Variants in CHRNA10 observed in about 807,000 individuals in gnomAD.
The protein encoded by CHRNA10 is cholinergic receptor nicotinic alpha 10 subunit.
A neutral mutation model predicts 36.0 loss-of-function variants in CHRNA10; 31 were observed. The observed-to-expected ratio is 0.86, with a 90% confidence interval of 0.65 to 1.16. The LOEUF (loss-of-function observed/expected upper bound fraction) is 1.16, where lower values mean the gene tolerates loss of function less well. Ranked by LOEUF, CHRNA10 falls within the 50% of genes most tolerant of loss-of-function variation. CHRNA10 has a pLI of 0.00. For missense variants in CHRNA10, 648 were observed against 640.9 expected (o/e 1.01, Z -0.12); for synonymous variants, 302 against 287.0 (o/e 1.05, Z -0.53).
chr11:3,669,136 C>G lies in CHRNA10; in HGVS notation c.362+60G>C, dbSNP rs1403930935. The G allele has an allele frequency of 1.9e-6, 3 of 1,554,006 alleles. No individual in the cohort carries two copies. In the African/African-American group the frequency reaches 4.1e-5, roughly 21 times the overall value. On this transcript the variant is annotated intron_variant, in intron 3 of 4. Transcript: ENST00000250699. ...TAGGGAGAGGGGATCACTACACCCC[C>G]ACAGCTAAGGGCAAGTCTAGAGAGG...
At chr11:3,669,058 A>C in intron 3 of CHRNA10, 138 bp downstream of exon 3, 1 of 955,332 alleles carries the variant, frequency 1.0e-6, no homozygotes, top group Admixed American at 2.9e-5. Flanking sequence ...CTGGCAGCTT[A>C]GAAGGGTCCT....
chr11:3,667,767 G>A lies in CHRNA10; in HGVS notation c.363-3C>T. ...AACCTGGAGGCTGCGCGTCGGCTCT[G>A]GGGGCAGGCGGGGCAGGGCTCACCT... On this transcript the variant is annotated splice_polypyrimidine_tract_variant and splice_region_variant and intron_variant, in intron 3 of 4. Coordinates refer to ENST00000250699, the MANE Select transcript of CHRNA10 (RefSeq NM_020402.4). 4.0e-6 allele frequency: 6 copies of A among 1,509,426 alleles called. No individual in the cohort carries two copies. The highest frequency in any genetic ancestry group is 5.3e-6 in the Non-Finnish European group (6 of 1,136,620). 93.5% of individuals were successfully genotyped at this position (1,509,426 alleles called of 1,614,324 possible).
Position 3,670,067 on chromosome 11 carries a change from C to T in CHRNA10, c.62-126G>A, listed in dbSNP as rs550846283. ...TCCTCCTGGTGTCTGCCTTCTCTTG[C>T]TCTAGCTGTGGCTCTAGTTCCTCCC... On this transcript the variant is annotated intron_variant, in intron 1 of 4. Transcript: ENST00000250699. 4.8e-5 allele frequency: 51 copies of T among 1,063,644 alleles called. No homozygotes were observed. The African/African-American group carries it at 7.1e-4, about 15-fold the overall frequency. 65.9% of individuals were successfully genotyped at this position (1,063,644 alleles called of 1,614,324 possible). A position where few individuals can be genotyped will look rare whatever the true frequency, so the allele number is the denominator to read the frequency against.
chr11:3,665,884 C>T lies in CHRNA10; in HGVS notation c.*223G>A. On this transcript the variant is annotated 3_prime_UTR_variant, in exon 5 of 5. Coordinates refer to ENST00000250699, the MANE Select transcript of CHRNA10 (RefSeq NM_020402.4). ...TGTGATCTTGGCCTTTGTAGAGTTC[C>T]TCTTTTTTTTGGAATTAGGGGAGTG... 1 of 479,304 alleles carries T rather than the reference C, an allele frequency of 2.1e-6. No homozygotes were observed. The highest frequency in any genetic ancestry group is 3.6e-6 in the Non-Finnish European group (1 of 274,316). 29.7% of individuals were successfully genotyped at this position (479,304 alleles called of 1,614,324 possible).
intron 4 of CHRNA10, among the ~76,000 whole-genome samples, chr11:3,666,778 TC>T (rs2077665779): frequency 6.6e-6 from 1 of 152,080 alleles, no homozygotes; most frequent in Admixed American, 6.5e-5. Flanking sequence ...CTCTAATTGC[TC>T]CCGTCACTGC....
Position 3,671,296 on chromosome 11 carries a change from T to C in CHRNA10, c.17A>G (p.His6Arg), listed in dbSNP as rs1488641645. Residue 6 changes from histidine to arginine, a missense_variant, in exon 1 of 5, where the codon CAC (histidine) becomes CGC (arginine). Coordinates refer to ENST00000250699, the MANE Select transcript of CHRNA10 (RefSeq NM_020402.4). MGLRS[H>R]HLSLGLLLLF... ...AAGCAGAAGGCCCAGGCTGAGGTGG[T>C]GGCTCCGGAGCCCCATGGCCCTGGC... 2 of 1,614,096 alleles carry C rather than the reference T, an allele frequency of 1.2e-6. No individual in the cohort carries two copies. Among genetic ancestry groups the C allele is most frequent in the South Asian group, 1.1e-5 (1 of 91,084 alleles).
intron 3 of CHRNA10, chr11:3,668,897 C>G (rs1311893502): frequency 1.1e-5 from 3 of 272,158 alleles, no homozygotes; most frequent in Non-Finnish European, 2.1e-5. Flanking sequence ...CTTCGGGGAG[C>G]CCTGAGAGAC....
At position 3,669,243 on chromosome 11, in the gene CHRNA10, G is replaced by A. The variant is rs2077694154; in HGVS notation, c.315C>T (p.Arg105=). 2 of 1,613,972 alleles carry A rather than the reference G, an allele frequency of 1.2e-6. No individual in the cohort carries two copies. Among genetic ancestry groups the A allele is most frequent in the African/African-American group, 2.7e-5 (2 of 74,930 alleles). ...PNAYGGLDAI[R]IPSSLVWRPD... ...GCCGCCACACAAGACTGCTGGGGAT[G>A]CGGATGGCATCCAGGCCACCATAGG... The change falls in exon 3 of 5, where the codon CGC becomes CGT. Residue 105 remains arginine (R), a synonymous_variant. Coordinates refer to ENST00000250699, the MANE Select transcript of CHRNA10 (RefSeq NM_020402.4).
At position 3,665,632 on chromosome 11, in the gene CHRNA10, A is replaced by G. The variant is rs572675582; in HGVS notation, c.*475T>C. 6.5e-6 allele frequency: 1 copy of G among 153,736 alleles called. No homozygotes were observed. The highest frequency in any genetic ancestry group is 1.9e-4 in the East Asian group (1 of 5,202). The allele number at this position is 153,736 out of a possible 1,614,324, so 9.5% of individuals were successfully genotyped here. On this transcript the variant is annotated 3_prime_UTR_variant, in exon 5 of 5. Transcript: ENST00000250699. ...TATTGAGTCAGGGATTTGGGGCCAAATGTCTGTAGGGCCTCCTGCTCTGGA... is the reference window on the plus strand; with the variant it reads ...TATTGAGTCAGGGATTTGGGGCCAAGTGTCTGTAGGGCCTCCTGCTCTGGA...
chr11:3,666,707 G>C (rs1049578610), intron 4 of CHRNA10, 143 bp from the exon 5 acceptor site: 1 of 645,522 alleles, frequency 1.5e-6, no homozygotes, highest in Non-Finnish European at 2.6e-6. Context: ...GCAGGAAGGA[G>C]GTAAGGGCCG....
chr11:3,670,872 C>A (rs921553233), intron 1 of CHRNA10, among the ~76,000 whole-genome samples: 7 of 152,214 alleles, frequency 4.6e-5, no homozygotes, highest in African/African-American at 1.4e-4. Flanking sequence ...TCACCTTCTT[C>A]TACCCCTCCC....
intron 1 of CHRNA10, 22 bp downstream of exon 1, chr11:3,671,230 G>A (rs2077711714): frequency 6.2e-7 from 1 of 1,612,238 alleles, no homozygotes; most frequent in East Asian, 2.2e-5. Context: ...AGAGGCCAGG[G>A]CTGGTGTACT....
chr11:3,666,998 A>G (rs2741861), intron 4 of CHRNA10, among the ~76,000 whole-genome samples: 89,895 of 152,032 alleles, frequency 0.59, 28,409 homozygotes, highest in Admixed American at 0.75. Flanking sequence ...GATTTTGCCT[A>G]TCATTAGGAT....
At chr11:3,670,718 T>A (rs1035638499) in intron 1 of CHRNA10, among the ~76,000 whole-genome samples, 11 of 152,222 alleles carry the variant, frequency 7.2e-5, no homozygotes, top group African/African-American at 2.4e-4. Context: ...CTCCCTCTGC[T>A]GCCTCCTCCT....
At chr11:3,666,755 G>A (rs2741862) in intron 4 of CHRNA10, among the ~76,000 whole-genome samples, 191 bp from the exon 5 acceptor site, 111,378 of 151,950 alleles carry the variant, frequency 0.73, 41,190 homozygotes, top group Admixed American at 0.84. Flanking sequence ...GTGGGTCATC[G>A]GAAGCTACTG....
intron 1 of CHRNA10, 113 bp from the exon 2 acceptor site, chr11:3,670,054 C>G: frequency 8.5e-7 from 1 of 1,172,136 alleles, no homozygotes; most frequent in Non-Finnish European, 1.2e-6. Flanking sequence ...CTCCTGGTGT[C>G]TGCCTTCTCT....
At chr11:3,666,691 A>AGGGTC in intron 4 of CHRNA10, 127 bp from the exon 5 acceptor site, 1 of 707,534 alleles carries the variant, frequency 1.4e-6, no homozygotes, top group Non-Finnish European at 2.3e-6. Flanking sequence ...AGCCCCATGG[A>AGGGTC]TGGAAGCAGG....
Position 3,666,220 on chromosome 11 carries a change from G to A in CHRNA10, c.1240C>T (p.Arg414Cys), listed in dbSNP as rs543881167. The A allele has an allele frequency of 2.4e-5, 39 of 1,614,086 alleles. No homozygotes were observed. Among genetic ancestry groups the A allele is most frequent in the Middle Eastern group, 1.6e-4 (1 of 6,062 alleles). ...AGGCGCTTCCAGTCCTCATGGCAGC[G>A]CTGGGCAGCTCGGTGGCTGCGGAAG... ...NTFRSHRAAQ[R>C]CHEDWKRLAR... is the part of the protein sequence containing the mutation. Residue 414 changes from arginine to cysteine, a missense_variant, in exon 5 of 5, where the codon CGC (arginine) becomes TGC (cysteine). Coordinates refer to ENST00000250699, the MANE Select transcript of CHRNA10 (RefSeq NM_020402.4).
chr11:3,670,134 G>C (rs548738985), intron 1 of CHRNA10, among the ~76,000 whole-genome samples, 193 bp from the exon 2 acceptor site: 1 of 152,324 alleles, frequency 6.6e-6, no homozygotes, highest in African/African-American at 2.4e-5. Flanking sequence ...GCCATGGAGT[G>C]AACTGGTACT....
Sources: allele counts gnomAD v4.1 joint callset (sites outside exome capture counted in the v4.1 genomes callset), GRCh38; gene constraint gnomAD v4.1.1; transcripts MANE v1.5; gene names NCBI Gene and HGNC (gene_info 2026-07-23, HGNC 2026-07-21).